Variants in HMGN5 observed in about 807,000 individuals in gnomAD.
HMGN5 encodes the protein high mobility group nucleosome binding domain 5, also known as high mobility group nucleosome-binding domain-containing protein 5.
HMGN5 carries 4 observed loss-of-function variants against 9.5 expected under a neutral mutation model. The observed-to-expected ratio is 0.42, with a 90% confidence interval of 0.21 to 0.96. The LOEUF (loss-of-function observed/expected upper bound fraction) is 0.96. Among genes scored for constraint, HMGN5 ranks in the 40% least tolerant of loss-of-function variants. The probability of loss-of-function intolerance (pLI) is 0.30; values close to 1 mark genes in which losing one functional copy is unlikely to be tolerated. For synonymous variants in HMGN5, 55 were observed against 57.1 expected (o/e 0.96, Z 0.16); for missense variants, 192 against 187.5 (o/e 1.02, Z -0.14).
intron 1 of HMGN5, among the ~76,000 whole-genome samples, chrX:81,176,368 G>T (rs1462264311): frequency 9.0e-6 from 1 of 111,474 alleles, no homozygotes; most frequent in African/African-American, 3.3e-5. Flanking sequence ...AATCAGAGGA[G>T]CACCTCCTCT....
chrX:81,156,263 AC>A (rs1304606015), intron 1 of HMGN5, among the ~76,000 whole-genome samples: 1 of 112,309 alleles, frequency 8.9e-6, no homozygotes, highest in Non-Finnish European at 1.9e-5. Context: ...CAGACATTGT[AC>A]TATGTGAATG....
At chrX:81,125,844 A>C (rs1350939506) in intron 1 of HMGN5, among the ~76,000 whole-genome samples, 5 of 111,490 alleles carry the variant, frequency 4.5e-5, no homozygotes, top group Non-Finnish European at 7.5e-5. Context: ...GCGAAAGATC[A>C]TCTATTAAAA....
chrX:81,172,734 TA>T (rs1001992512), intron 1 of HMGN5, among the ~76,000 whole-genome samples: 1 of 110,752 alleles, frequency 9.0e-6, no homozygotes, highest in African/African-American at 3.3e-5. Flanking sequence ...CATAACATGA[TA>T]AAAAAATTTT....
intron 1 of HMGN5, among the ~76,000 whole-genome samples, chrX:81,185,519 G>C (rs948142102): frequency 2.7e-5 from 3 of 111,600 alleles, no homozygotes; most frequent in African/African-American, 9.8e-5. Context: ...CTTTGGAGGA[G>C]ATTTTAGGTT....
At chrX:81,192,812 T>C (rs1398336429) in intron 1 of HMGN5, among the ~76,000 whole-genome samples, 1 of 111,985 alleles carries the variant, frequency 8.9e-6, no homozygotes, top group Admixed American at 9.5e-5. Flanking sequence ...TTTTAGAACA[T>C]TGAAGCCATG....
chrX:81,115,700 A>G (rs1481979412), intron 6 of HMGN5, among the ~76,000 whole-genome samples: 2 of 112,110 alleles, frequency 1.8e-5, no homozygotes, highest in African/African-American at 6.5e-5. Context: ...CTTACAAAAG[A>G]TTTTCCATAT....
At chrX:81,178,649 T>C (rs1216486100) in intron 1 of HMGN5, among the ~76,000 whole-genome samples, 1 of 112,041 alleles carries the variant, frequency 8.9e-6, no homozygotes, top group African/African-American at 3.2e-5. Flanking sequence ...CCATTCCTTC[T>C]GAAACTATTC....
chrX:81,134,766 C>T (rs1441747636), intron 1 of HMGN5, among the ~76,000 whole-genome samples: 3 of 111,679 alleles, frequency 2.7e-5, no homozygotes, highest in Non-Finnish European at 3.8e-5. Flanking sequence ...TGGCATAGGG[C>T]GAGACTTGTG....
intron 1 of HMGN5, among the ~76,000 whole-genome samples, chrX:81,176,029 G>A (rs759675461): frequency 9.0e-6 from 1 of 111,463 alleles, no homozygotes. Flanking sequence ...AGTAGGGGCC[G>A]ACAGACACCT....
At chrX:81,138,221 A>T (rs1350440382) in intron 1 of HMGN5, among the ~76,000 whole-genome samples, 1 of 112,024 alleles carries the variant, frequency 8.9e-6, no homozygotes, top group Non-Finnish European at 1.9e-5. Context: ...AACCTAATCC[A>T]ACAATGTATA....
chrX:81,198,278 G>C (rs1200165958), intron 1 of HMGN5, among the ~76,000 whole-genome samples: 1 of 111,388 alleles, frequency 9.0e-6, no homozygotes, highest in African/African-American at 3.3e-5. Flanking sequence ...ATATAAGAAA[G>C]TGGTGTTTTA....
intron 1 of HMGN5, among the ~76,000 whole-genome samples, chrX:81,179,735 G>A (rs980170012): frequency 1.8e-5 from 2 of 111,604 alleles, no homozygotes; most frequent in East Asian, 2.8e-4. Context: ...AAAAGAGCAC[G>A]CATTGCCCAG....
At position 81,115,104 on chromosome X, in the gene HMGN5, C is replaced by T. The variant is rs2075249593; in HGVS notation, c.394G>A (p.Glu132Lys). The T allele has an allele frequency of 8.6e-7, 1 of 1,159,751 alleles. No homozygotes were observed. Among genetic ancestry groups the T allele is most frequent in the South Asian group, 2.0e-5 (1 of 50,966 alleles). ...TCTTCGTTTTGATCTTCTTCATCTT[C>T]TTTCTGATCTTCTTCTTCATTTTTT... ...EVKNEEEDQK[E>K]DEEDQNEEKG... Residue 132 changes from glutamate to lysine, a missense_variant, in exon 7 of 7, where the codon GAA becomes AAA. Coordinates refer to ENST00000358130, the MANE Select transcript of HMGN5 (RefSeq NM_030763.3).
rs1330844217 is a variant in HMGN5 at position 81,113,932 on chromosome X, A to G, written c.*717T>C. On this transcript the variant is annotated 3_prime_UTR_variant, in exon 7 of 7. Coordinates refer to ENST00000358130, the MANE Select transcript of HMGN5 (RefSeq NM_030763.3). ...TTGAATTATATACTTTATTTTTATT[A>G]TAATTAAAATGGTGAATTTTACTTT... 3 of 112,119 alleles carry G rather than the reference A, an allele frequency of 2.7e-5. No homozygotes were observed. Among genetic ancestry groups the G allele is most frequent in the Non-Finnish European group, 5.6e-5 (3 of 53,228 alleles). 9.2% of individuals were successfully genotyped at this position (112,119 alleles called of 1,213,427 possible). A position where few individuals can be genotyped will look rare whatever the true frequency, so the allele number is the denominator to read the frequency against.
At position 81,183,673 on chromosome X, in the gene HMGN5, G is replaced by A. The variant is rs1382776608; in HGVS notation, c.-124+18064C>T. On this transcript the variant is annotated intron_variant, in intron 1 of 6. Transcript: ENST00000358130. Reference sequence around the variant, plus strand: ...GGTGGAGCCCTCATGGAGAACCTCTGCTAGGGCAGCATGGAGGGGAAATGA... The same window carrying A: ...GGTGGAGCCCTCATGGAGAACCTCTACTAGGGCAGCATGGAGGGGAAATGA... Among the ~76,000 whole-genome samples, 3 of 112,984 alleles carry A rather than the reference G, an allele frequency of 2.7e-5. No individual in the cohort carries two copies. In the East Asian group the frequency reaches 8.4e-4, roughly 32 times the overall value.
intron 5 of HMGN5, among the ~76,000 whole-genome samples, chrX:81,117,648 G>GA (rs1004470403): frequency 1.4e-4 from 15 of 107,748 alleles, no homozygotes; most frequent in Middle Eastern, 9.9e-3. Context: ...GTAAAATGCA[G>GA]AAAAAAAAAC....
chrX:81,150,076 A>G lies in HMGN5; in HGVS notation c.-123-28404T>C, dbSNP rs150337108. On this transcript the variant is annotated intron_variant, in intron 1 of 6. Coordinates refer to ENST00000358130, the MANE Select transcript of HMGN5 (RefSeq NM_030763.3). ...CCAAATGATTCTAACAGATATTTAC[A>G]GAACACTTCATTCATCGGCTGCAGA... Among the ~76,000 whole-genome samples the G allele has an allele frequency of 2.8e-4, 31 of 112,459 alleles. 1 individual carries two copies. In the East Asian group the frequency reaches 8.4e-3, roughly 30 times the overall value.
chrX:81,140,211 C>T (rs192742124), intron 1 of HMGN5, among the ~76,000 whole-genome samples: 1 of 111,382 alleles, frequency 9.0e-6, no homozygotes, highest in African/African-American at 3.3e-5. Flanking sequence ...GGCCCTAGTT[C>T]CCAGATAACA....
At chrX:81,148,018 G>C (rs1024080780) in intron 1 of HMGN5, among the ~76,000 whole-genome samples, 10 of 111,729 alleles carry the variant, frequency 9.0e-5, no homozygotes, top group African/African-American at 3.3e-4. Context: ...CCATGCTCAT[G>C]GATAGGAAGA....
Sources: gnomAD v4.1 joint callset for allele counts (sites outside exome capture counted in the v4.1 genomes callset) on GRCh38, gnomAD v4.1.1 for gene constraint, MANE v1.5 for transcripts, NCBI Gene and HGNC (gene_info 2026-07-23, HGNC 2026-07-21) for gene names.